The following HDAC9 variants were observed in gnomAD, a reference collection of about 807,000 sequenced individuals.
The protein encoded by HDAC9 is MEF-2 interacting transcription repressor (MITR) protein.
In HDAC9, 41 loss-of-function variants were observed where a neutral mutation model predicts 139.4. The ratio of observed to expected loss-of-function variants is 0.29; its 90% CI spans 0.23 to 0.38. The LOEUF is 0.38. Among genes scored for constraint, HDAC9 ranks in the 10% least tolerant of loss-of-function variants. The pLI, the probability that HDAC9 is intolerant of heterozygous loss-of-function variation, is 1.00. For synonymous variants in HDAC9, 517 were observed against 476.2 expected (o/e 1.09, Z -1.12); for missense variants, 1,147 against 1,297.0 (o/e 0.88, Z 1.78).
At chr7:18,515,416 A>G (rs1253881090) in intron 2 of HDAC9, among the ~76,000 whole-genome samples, 1 of 152,206 alleles carries the variant, frequency 6.6e-6, no homozygotes, top group African/African-American at 2.4e-5. Flanking sequence ...GGTGAAAGCC[A>G]GTTTGCAAAG....
intron 21 of HDAC9, among the ~76,000 whole-genome samples, chr7:18,858,075 A>G (rs1012770882): frequency 2.8e-4 from 42 of 152,280 alleles, no homozygotes; most frequent in Non-Finnish European, 3.5e-4. Flanking sequence ...TTAGTGGTTC[A>G]TTTAGCATGT....
intron 1 of HDAC9, among the ~76,000 whole-genome samples, chr7:18,476,862 G>A (rs1018533847): frequency 3.9e-5 from 6 of 152,180 alleles, no homozygotes; most frequent in African/African-American, 1.4e-4. Flanking sequence ...AAAGCCTGCA[G>A]TTAGCTAAAC....
intron 13 of HDAC9, among the ~76,000 whole-genome samples, chr7:18,740,370 G>A (rs1227256191): frequency 6.6e-6 from 1 of 152,188 alleles, no homozygotes; most frequent in African/African-American, 2.4e-5. Context: ...AAGACCTGCA[G>A]ACCAGAGCTG....
intron 2 of HDAC9, among the ~76,000 whole-genome samples, chr7:18,202,555 C>T (rs1791210635): frequency 6.6e-6 from 1 of 151,942 alleles, no homozygotes; most frequent in South Asian, 2.1e-4. Context: ...GGTTGAGGGC[C>T]ATTTAGATAA....
At chr7:18,544,249 A>G (rs1301705988) in intron 2 of HDAC9, among the ~76,000 whole-genome samples, 1 of 152,186 alleles carries the variant, frequency 6.6e-6, no homozygotes, top group Non-Finnish European at 1.5e-5. Flanking sequence ...TAGAGTTGAT[A>G]AAGATCTCAT....
chr7:18,463,583 C>T (rs1586086196), intron 1 of HDAC9, among the ~76,000 whole-genome samples: 1 of 151,842 alleles, frequency 6.6e-6, no homozygotes, highest in African/African-American at 2.4e-5. Flanking sequence ...TACTGAACCT[C>T]TTTGTTCTGC....
intron 2 of HDAC9, among the ~76,000 whole-genome samples, chr7:18,238,653 A>G (rs1002845804): frequency 6.6e-6 from 1 of 152,212 alleles, no homozygotes; most frequent in African/African-American, 2.4e-5. Context: ...GAATAAAATT[A>G]GGCTGATTGA....
At chr7:18,161,902 A>G (rs192943152) in intron 1 of HDAC9, among the ~76,000 whole-genome samples, 11 of 152,324 alleles carry the variant, frequency 7.2e-5, no homozygotes, top group Admixed American at 6.5e-4. Context: ...TTTTATTTCT[A>G]TAATAATGAT....
intron 1 of HDAC9, among the ~76,000 whole-genome samples, chr7:18,147,989 C>A (rs1340549590): frequency 1.3e-5 from 2 of 152,036 alleles, no homozygotes; most frequent in Non-Finnish European, 2.9e-5. Flanking sequence ...CATATTCATT[C>A]TCCTGTTGAT....
chr7:18,910,873 C>A (rs771364714), intron 22 of HDAC9, among the ~76,000 whole-genome samples: 1 of 151,778 alleles, frequency 6.6e-6, no homozygotes, highest in Non-Finnish European at 1.5e-5. Flanking sequence ...GATTTTTTTG[C>A]ATCTATATTC....
chr7:18,796,436 G>A (rs1792805499), intron 17 of HDAC9, among the ~76,000 whole-genome samples: 1 of 152,180 alleles, frequency 6.6e-6, no homozygotes, highest in Admixed American at 6.5e-5. Context: ...TGGGTTTCCT[G>A]TTAATGCTTA....
chr7:18,614,574 A>G (rs1373069725), intron 6 of HDAC9, among the ~76,000 whole-genome samples: 1 of 152,102 alleles, frequency 6.6e-6, no homozygotes, highest in Admixed American at 6.6e-5. Flanking sequence ...TGTTGAATGG[A>G]GTCTCTCTTC....
rs1795278279 is a variant in HDAC9 at position 18,667,913 on chromosome 7, C to G, written c.1731+1437C>G. On this transcript the variant is annotated intron_variant, in intron 12 of 25. Coordinates refer to ENST00000686413, the MANE Select transcript of HDAC9 (RefSeq NM_178425.4). ...TTAAAGGTTCGTTGTATTAAGACCC[C>G]TTTAATATGGATAATCCAAATTGAC... is the stretch of plus-strand genomic sequence containing the variant. The G allele has an allele frequency of 4.1e-6, 4 of 981,830 alleles. 1 individual carries two copies. In the South Asian group the frequency reaches 1.9e-4, roughly 46 times the overall value. The allele number at this position is 981,830 out of a possible 1,614,324, so 60.8% of individuals were successfully genotyped here. A position where few individuals can be genotyped will look rare whatever the true frequency, so the allele number is the denominator to read the frequency against.
chr7:18,318,102 G>T (rs189021209), intron 1 of HDAC9, among the ~76,000 whole-genome samples: 1 of 152,120 alleles, frequency 6.6e-6, no homozygotes, highest in Non-Finnish European at 1.5e-5. Context: ...TTATATCAGA[G>T]CCTGGTTCAT....
At chr7:18,270,233 C>T (rs1796269879) in intron 2 of HDAC9, among the ~76,000 whole-genome samples, 1 of 151,106 alleles carries the variant, frequency 6.6e-6, no homozygotes, top group South Asian at 2.1e-4. Context: ...TGTGTATCCT[C>T]AGTGGGATAT....
chr7:18,318,296 A>G (rs921078129), intron 1 of HDAC9, among the ~76,000 whole-genome samples: 4 of 152,242 alleles, frequency 2.6e-5, no homozygotes, highest in African/African-American at 9.6e-5. Context: ...ATTCAATACA[A>G]AAATGCTACA....
At chr7:18,252,848 A>G (rs1283101531) in intron 2 of HDAC9, among the ~76,000 whole-genome samples, 1 of 152,170 alleles carries the variant, frequency 6.6e-6, no homozygotes, top group Non-Finnish European at 1.5e-5. Context: ...ACTTTGCTGT[A>G]CACATTATTT....
intron 25 of HDAC9, among the ~76,000 whole-genome samples, chr7:18,991,987 A>G (rs1013193201): frequency 3.9e-5 from 6 of 152,364 alleles, no homozygotes; most frequent in Admixed American, 1.3e-4. Flanking sequence ...TCTAGAATCA[A>G]TGAAAAATAT....
At chr7:18,125,691 T>C (rs1029880965) in intron 1 of HDAC9, among the ~76,000 whole-genome samples, 4 of 152,128 alleles carry the variant, frequency 2.6e-5, no homozygotes, top group African/African-American at 4.8e-5. Flanking sequence ...TTGTGGGCCA[T>C]ATGGTCTGTG....
Sources: allele counts gnomAD v4.1 joint callset (sites outside exome capture counted in the v4.1 genomes callset), GRCh38; gene constraint gnomAD v4.1.1; transcripts MANE v1.5; gene names NCBI Gene and HGNC (gene_info 2026-07-23, HGNC 2026-07-21).